ANKS1B: variants seen among roughly 807,000 people sequenced by gnomAD.
The protein encoded by ANKS1B is ankyrin repeat and sterile alpha motif domain-containing protein 1B.
In ANKS1B, 36 loss-of-function variants were observed where a neutral mutation model predicts 148.3. The ratio of observed to expected loss-of-function variants is 0.24; its 90% CI spans 0.19 to 0.32. ANKS1B has a LOEUF of 0.32. Ranked by LOEUF, ANKS1B falls within the 10% of genes least tolerant of loss-of-function variation. The pLI is 1.00. For missense variants in ANKS1B, 1,157 were observed against 1,542.6 expected, an observed-to-expected ratio of 0.75 and a Z score of 4.19; for synonymous variants, 542 against 560.8, an observed-to-expected ratio of 0.97 and a Z score of 0.47.
rs1265938359 is a variant in ANKS1B at position 99,877,092 on chromosome 12, A to AC, written c.135-51704dup. Among the ~76,000 whole-genome samples the AC allele has an allele frequency of 8.3e-4, 125 of 150,154 alleles. 2 individuals carry two copies. The highest frequency in any genetic ancestry group is 3.4e-3 in the Middle Eastern group (1 of 290). ...AGAACTTTCACCTCATACCCACTTC[A>AC]CCCCCCCACCCCAGTCCCCAATATG... On this transcript the variant is annotated intron_variant, in intron 1 of 26. Transcript: ENST00000683438.
At chr12:99,043,311 A>T (rs567776991) in intron 17 of ANKS1B, among the ~76,000 whole-genome samples, 1 of 152,314 alleles carries the variant, frequency 6.6e-6, no homozygotes, top group South Asian at 2.1e-4. Context: ...AAATAGTTTT[A>T]GTTATATGTT....
intron 2 of ANKS1B, among the ~76,000 whole-genome samples, chr12:99,813,422 C>A (rs2068680788): frequency 6.6e-6 from 1 of 151,010 alleles, no homozygotes; most frequent in South Asian, 2.1e-4. Flanking sequence ...AAAGTTGTTT[C>A]TTACATACAA....
chr12:99,109,559 C>G (rs1370175725), intron 15 of ANKS1B, among the ~76,000 whole-genome samples: 3 of 152,142 alleles, frequency 2.0e-5, no homozygotes, highest in Admixed American at 2.0e-4. Context: ...CAATTTCCTC[C>G]TCTATGAAAT....
intron 17 of ANKS1B, among the ~76,000 whole-genome samples, chr12:99,031,164 A>T (rs771743794): frequency 1.3e-5 from 2 of 152,198 alleles, no homozygotes; most frequent in Non-Finnish European, 2.9e-5. Flanking sequence ...TATACACTTG[A>T]TGGGGTTATA....
intron 12 of ANKS1B, among the ~76,000 whole-genome samples, chr12:99,368,099 T>A (rs2092882814): frequency 6.6e-6 from 1 of 152,206 alleles, no homozygotes; most frequent in Non-Finnish European, 1.5e-5. Context: ...TTTTTATGAC[T>A]ACAATTTTAG....
chr12:99,460,508 T>C (rs904310174), intron 10 of ANKS1B, among the ~76,000 whole-genome samples: 2 of 151,658 alleles, frequency 1.3e-5, no homozygotes, highest in Non-Finnish European at 3.0e-5. Context: ...ATCTTCACAA[T>C]CTACACATCC....
intron 10 of ANKS1B, among the ~76,000 whole-genome samples, chr12:99,477,113 A>G (rs1421620649): frequency 6.6e-6 from 1 of 152,192 alleles, no homozygotes; most frequent in Non-Finnish European, 1.5e-5. Flanking sequence ...ACCTGATCTC[A>G]GAAGTGACAT....
At chr12:99,252,901 G>A (rs2074796838) in intron 12 of ANKS1B, among the ~76,000 whole-genome samples, 1 of 152,156 alleles carries the variant, frequency 6.6e-6, no homozygotes, top group Admixed American at 6.6e-5. Context: ...AAACACCAAA[G>A]ATGTGAGGGA....
At chr12:99,527,779 A>C (rs564608148) in intron 9 of ANKS1B, among the ~76,000 whole-genome samples, 1 of 152,274 alleles carries the variant, frequency 6.6e-6, no homozygotes, top group East Asian at 1.9e-4. Flanking sequence ...GTAGTTGTGA[A>C]TGAAATAATA....
chr12:99,109,688 G>C (rs527359764), intron 15 of ANKS1B, among the ~76,000 whole-genome samples: 1 of 152,138 alleles, frequency 6.6e-6, no homozygotes, highest in African/African-American at 2.4e-5. Context: ...AGAGAAGTAA[G>C]GTGTGACTAA....
chr12:99,968,507 A>C (rs1277234708), intron 1 of ANKS1B, among the ~76,000 whole-genome samples: 2 of 152,116 alleles, frequency 1.3e-5, no homozygotes, highest in African/African-American at 2.4e-5. Flanking sequence ...GCAGTGAGCC[A>C]AGATCGTGCC....
chr12:99,865,125 C>A (rs1282552486), intron 1 of ANKS1B, among the ~76,000 whole-genome samples: 7 of 152,208 alleles, frequency 4.6e-5, no homozygotes, highest in Non-Finnish European at 1.0e-4. Context: ...AATATACTTT[C>A]CCTTCAAATG....
In ANKS1B at chr12:99,055,661, A is replaced by G. The variant is rs138910193; in HGVS notation, c.2626-2352T>C. ...CCTCCAATCCCCCTTTCTTGTCCCA[A>G]TGCCAGAAAATTTAGAATCAGAAGA... On this transcript the variant is annotated intron_variant, in intron 16 of 26. Transcript: ENST00000683438. Among the ~76,000 whole-genome samples, 133 of 151,038 alleles carry G rather than the reference A, an allele frequency of 8.8e-4. 1 individual carries two copies. Among genetic ancestry groups the G allele is most frequent in the Middle Eastern group, 3.4e-3 (1 of 292 alleles).
chr12:99,430,409 G>T (rs901374371), intron 11 of ANKS1B, among the ~76,000 whole-genome samples: 7 of 152,332 alleles, frequency 4.6e-5, no homozygotes, highest in Non-Finnish European at 1.0e-4. Flanking sequence ...AGGAAGAGCA[G>T]ATTTTTGGAG....
chr12:99,523,501 T>A (rs932778674), intron 9 of ANKS1B, among the ~76,000 whole-genome samples: 5 of 151,616 alleles, frequency 3.3e-5, no homozygotes, highest in Non-Finnish European at 5.9e-5. Flanking sequence ...AGTAGCAAAC[T>A]CTCTGTCCCT....
rs556640427 is a variant in ANKS1B, at chr12:98,985,878, T to C, written c.2778+67279A>G. Among the ~76,000 whole-genome samples, 15 of 152,302 alleles carry C rather than the reference T, an allele frequency of 9.8e-5. No individual in the cohort carries two copies. The South Asian group carries it at 2.3e-3, about 23-fold the overall frequency. On this transcript the variant is annotated intron_variant, in intron 17 of 26. Transcript: ENST00000683438. ...AATTTCTATGTAGTGTCATTTGTAC[T>C]GCCTGAAGAATTCCCTCTAATGTTT...
intron 9 of ANKS1B, among the ~76,000 whole-genome samples, chr12:99,572,639 T>G (rs1342447851): frequency 6.6e-6 from 1 of 152,120 alleles, no homozygotes; most frequent in African/African-American, 2.4e-5. Flanking sequence ...GGGAAACTAC[T>G]TTAGGCTAGT....
intron 17 of ANKS1B, among the ~76,000 whole-genome samples, chr12:98,908,142 T>C (rs1189126637): frequency 2.0e-5 from 3 of 152,112 alleles, no homozygotes; most frequent in African/African-American, 7.2e-5. Flanking sequence ...ATCTGTTGGG[T>C]AGTCACCTGT....
chr12:99,332,069 G>C (rs1462746746), intron 12 of ANKS1B, among the ~76,000 whole-genome samples: 1 of 151,998 alleles, frequency 6.6e-6, no homozygotes, highest in Non-Finnish European at 1.5e-5. Flanking sequence ...TCCACAGTTT[G>C]TTCCTCCCTT....
Sources: allele counts gnomAD v4.1 joint callset (sites outside exome capture counted in the v4.1 genomes callset), GRCh38; gene constraint gnomAD v4.1.1; transcripts MANE v1.5; gene names NCBI Gene and HGNC (gene_info 2026-07-23, HGNC 2026-07-21).